MOCOS: variants seen among roughly 807,000 people sequenced by gnomAD.
MOCOS encodes molybdenum cofactor sulfurase, also known as human molybdenum cofactor sulfurase.
Under a neutral mutation model 83.6 loss-of-function variants are expected in MOCOS, and 86 were observed. The observed-to-expected ratio is 1.03, with a 90% CI of 0.86 to 1.23. The LOEUF is 1.23. Among genes scored for constraint, MOCOS ranks in the 50% most tolerant of loss-of-function variants. The pLI is 0.00. For missense variants in MOCOS, 1,120 were observed against 1,126.9 expected, an observed-to-expected ratio of 0.99 and a Z score of 0.09; for synonymous variants, 445 against 434.7, an observed-to-expected ratio of 1.02 and a Z score of -0.29.
chr18:36,188,517 C>T (rs1478271890), intron 1 of MOCOS, among the ~76,000 whole-genome samples: 1 of 152,218 alleles, frequency 6.6e-6, no homozygotes, highest in South Asian at 2.1e-4. Context: ...CTTCATCAAG[C>T]CCCAGGGCCG....
At chr18:36,227,357 G>T (rs1043472788) in intron 9 of MOCOS, among the ~76,000 whole-genome samples, 2 of 151,606 alleles carry the variant, frequency 1.3e-5, no homozygotes, top group Non-Finnish European at 2.9e-5. Flanking sequence ...TTACCCTACC[G>T]AGTAGCTGGG....
At chr18:36,245,663 G>A (rs1443376598) in intron 9 of MOCOS, among the ~76,000 whole-genome samples, 1 of 152,148 alleles carries the variant, frequency 6.6e-6, no homozygotes, top group African/African-American at 2.4e-5. Flanking sequence ...ATATGTGGAT[G>A]TCTAGATCTC....
intron 1 of MOCOS, among the ~76,000 whole-genome samples, chr18:36,191,020 C>CAAGAAAAA (rs1555650776): frequency 1.6e-4 from 13 of 81,434 alleles, no homozygotes; most frequent in Non-Finnish European, 3.1e-4. Flanking sequence ...CCCTATCTCT[C>CAAGAAAAA]AAAAAAAAAA....
At chr18:36,191,008 G>A (rs1266576566) in intron 1 of MOCOS, among the ~76,000 whole-genome samples, 2 of 81,222 alleles carry the variant, frequency 2.5e-5, no homozygotes, top group Non-Finnish European at 4.5e-5. Flanking sequence ...GGCAGAGCAA[G>A]ACCCTATCTC....
At position 36,200,285 on chromosome 18, in the gene MOCOS, GAGA is replaced by G; in HGVS notation, c.906_908del (p.Glu302del). Reference sequence around the variant, plus strand: ...GGGACAGCCTCTGCGTACCTAGCAGGAGAAGACTTCTACATCCCGAGGCAGTCG... The same window carrying G: ...GGGACAGCCTCTGCGTACCTAGCAGGAGACTTCTACATCCCGAGGCAGTCG... On this transcript the variant is annotated inframe_deletion, in exon 4 of 15. Coordinates refer to ENST00000261326, the MANE Select transcript of MOCOS (RefSeq NM_017947.4). 6.2e-7 allele frequency: 1 copy of G among 1,614,138 alleles called. No individual in the cohort carries two copies. Among genetic ancestry groups the G allele is most frequent in the Non-Finnish European group, 8.5e-7 (1 of 1,180,020 alleles).
chr18:36,214,422 C>T (rs896042362), intron 7 of MOCOS, among the ~76,000 whole-genome samples: 3 of 151,978 alleles, frequency 2.0e-5, no homozygotes, highest in Non-Finnish European at 4.4e-5. Context: ...TGAGGTACGG[C>T]CTCCAAGCTA....
In MOCOS at chr18:36,224,271, G is replaced by A. The variant is rs533511495; in HGVS notation, c.1960+4054G>A. ...TTTACTTCCCTTTTCCAATTTGAAT[G>A]TCTTTTATTTCTTTTTCTTGCCTAA... On this transcript the variant is annotated intron_variant, in intron 9 of 14. Transcript: ENST00000261326. 1.6e-4 allele frequency among the ~76,000 whole-genome samples: 24 copies of A among 152,116 alleles called. 1 individual carries two copies. The highest frequency in any genetic ancestry group is 1.8e-4 in the Non-Finnish European group (12 of 68,012).
chr18:36,237,600 G>C (rs2144939330), intron 9 of MOCOS, among the ~76,000 whole-genome samples: 1 of 152,008 alleles, frequency 6.6e-6, no homozygotes, highest in Middle Eastern at 3.4e-3. Context: ...TCTCTTCTTT[G>C]GTTGTGTCTC....
At chr18:36,250,945 GC>G (rs1166534661) in intron 10 of MOCOS, among the ~76,000 whole-genome samples, 2 of 152,170 alleles carry the variant, frequency 1.3e-5, no homozygotes, top group Non-Finnish European at 2.9e-5. Context: ...AAATGTTGAA[GC>G]TTTTTATTTG....
intron 8 of MOCOS, among the ~76,000 whole-genome samples, chr18:36,216,771 C>T (rs368379813): frequency 2.0e-5 from 3 of 152,002 alleles, no homozygotes; most frequent in Non-Finnish European, 4.4e-5. Context: ...TAGTAAGTAC[C>T]GCCTACTTAT....
At chr18:36,191,405 G>A (rs1475792354) in intron 1 of MOCOS, among the ~76,000 whole-genome samples, 2 of 152,228 alleles carry the variant, frequency 1.3e-5, no homozygotes, top group Non-Finnish European at 2.9e-5. Flanking sequence ...TGTCACTCAT[G>A]TCTTGTGTAT....
intron 9 of MOCOS, among the ~76,000 whole-genome samples, chr18:36,243,702 C>G (rs1207660859): frequency 6.6e-6 from 1 of 152,100 alleles, no homozygotes; most frequent in Admixed American, 6.5e-5. Flanking sequence ...ACCAGTTCTT[C>G]TTTGAATGTC....
intron 6 of MOCOS, among the ~76,000 whole-genome samples, chr18:36,211,349 T>C (rs2091454889): frequency 6.6e-6 from 1 of 152,204 alleles, no homozygotes; most frequent in Admixed American, 6.5e-5. Context: ...TCAGAGTCTG[T>C]CTGCCTCTTG....
At position 36,270,711 on chromosome 18, in the gene MOCOS, CAAAA is replaced by C. The variant is rs528119467; in HGVS notation, c.*2042_*2045del. The C allele has an allele frequency of 2.1e-4, 24 of 114,830 alleles. No homozygotes were observed. Among genetic ancestry groups the C allele is most frequent in the African/African-American group, 4.0e-4 (13 of 32,668 alleles). The allele number at this position is 114,830 out of a possible 1,614,324, so 7.1% of individuals were successfully genotyped here. A position where few individuals can be genotyped will look rare whatever the true frequency, so the allele number is the denominator to read the frequency against. On this transcript the variant is annotated 3_prime_UTR_variant, in exon 15 of 15. Coordinates refer to ENST00000261326, the MANE Select transcript of MOCOS (RefSeq NM_017947.4). ...CTGGTGACAGAGCAAGACTCCATCT[CAAAA>C]AAAAAAAAAAAAAAATTAGGTCACT...
At chr18:36,242,082 A>G (rs1038925125) in intron 9 of MOCOS, among the ~76,000 whole-genome samples, 4 of 152,220 alleles carry the variant, frequency 2.6e-5, no homozygotes, top group Non-Finnish European at 5.9e-5. Flanking sequence ...GGCAATTAAC[A>G]TTTGGCTCCT....
chr18:36,234,861 AG>A (rs2091551894), intron 9 of MOCOS, among the ~76,000 whole-genome samples: 1 of 152,154 alleles, frequency 6.6e-6, no homozygotes, highest in Non-Finnish European at 1.5e-5. Flanking sequence ...AAGAGAGAGA[AG>A]GGCAAAGGAG....
chr18:36,253,077 T>C (rs2091627916), intron 11 of MOCOS, among the ~76,000 whole-genome samples: 1 of 152,160 alleles, frequency 6.6e-6, no homozygotes, highest in South Asian at 2.1e-4. Context: ...TCAGGACCTG[T>C]GTACCACCCT....
Position 36,270,335 on chromosome 18 carries a change from C to T in MOCOS, c.*1650C>T, listed in dbSNP as rs1419095169. The T allele has an allele frequency of 1.3e-5, 2 of 152,182 alleles. No individual in the cohort carries two copies. Among genetic ancestry groups the T allele is most frequent in the African/African-American group, 2.4e-5 (1 of 41,426 alleles). 9.4% of individuals were successfully genotyped at this position (152,182 alleles called of 1,614,324 possible). ...GCAGGAGGGAACTTTCCAGATGGCA[C>T]ATTGCCCCATTTCCAAGACCTTCCG... On this transcript the variant is annotated 3_prime_UTR_variant, in exon 15 of 15. Coordinates refer to ENST00000261326, the MANE Select transcript of MOCOS (RefSeq NM_017947.4).
chr18:36,231,468 A>T (rs1402579967), intron 9 of MOCOS, among the ~76,000 whole-genome samples: 3 of 152,236 alleles, frequency 2.0e-5, no homozygotes, highest in South Asian at 4.1e-4. Flanking sequence ...CATGTTACGC[A>T]TTCCTTTATA....
Sources: gnomAD v4.1 joint callset for allele counts (sites outside exome capture counted in the v4.1 genomes callset) on GRCh38, gnomAD v4.1.1 for gene constraint, MANE v1.5 for transcripts, NCBI Gene and HGNC (gene_info 2026-07-23, HGNC 2026-07-21) for gene names.